The following SCUBE2 variants were observed in gnomAD, a reference collection of about 807,000 sequenced individuals.
SCUBE2 encodes signal peptide, CUB and EGF-like domain-containing protein 2.
In SCUBE2, 114 loss-of-function variants were observed where a neutral mutation model predicts 125.9. That is an observed-to-expected ratio of 0.91 (90% confidence interval 0.78 to 1.06). The LOEUF is 1.06. SCUBE2 is among the 50% of genes least tolerant of loss of function. The pLI is 0.00. For missense variants in SCUBE2, 1,255 were observed against 1,301.8 expected (o/e 0.96, Z 0.55); for synonymous variants, 459 against 492.9 (o/e 0.93, Z 0.91).
chr11:9,081,498 C>T (rs1861635257), intron 2 of SCUBE2, among the ~76,000 whole-genome samples: 1 of 152,034 alleles, frequency 6.6e-6, no homozygotes, highest in Non-Finnish European at 1.5e-5. Context: ...CTCAAGATTC[C>T]ACCATGTTGT....
rs1424766106 is a variant in SCUBE2 at position 9,069,391 on chromosome 11, T to C, written c.622A>G (p.Lys208Glu). The C allele has an allele frequency of 6.2e-7, 1 of 1,614,264 alleles. No homozygotes were observed. Among genetic ancestry groups the C allele is most frequent in the Non-Finnish European group, 8.5e-7 (1 of 1,180,040 alleles). The change falls in exon 5 of 23, where the codon AAG (lysine) becomes GAG (glutamate). Residue 208 changes from lysine to glutamate, a missense_variant. This residue lies in a region of SCUBE2 where 362 missense variants were observed against 323.0 expected (regional missense o/e 1.12). Coordinates refer to ENST00000649792, the MANE Select transcript of SCUBE2 (RefSeq NM_001367977.2). ...TTACAGATGCAGTCTCTCTGGTTCTTGGCCAGCTCAAAACCAGGCCTGCAC... is the reference window on the plus strand; with the variant it reads ...TTACAGATGCAGTCTCTCTGGTTCTCGGCCAGCTCAAAACCAGGCCTGCAC... ...CECRPGFELA[K>E]NQRDCILTCN...
At chr11:9,053,062 G>A (rs967041739) in intron 12 of SCUBE2, 37 bp downstream of exon 12, 6 of 1,564,206 alleles carry the variant, frequency 3.8e-6, no homozygotes, top group Non-Finnish European at 5.3e-6. Flanking sequence ...CCTGGCCCCA[G>A]TGTGAGGACC....
At chr11:9,081,673 C>A (rs75754672) in intron 2 of SCUBE2, among the ~76,000 whole-genome samples, 9 of 82,032 alleles carry the variant, frequency 1.1e-4, no homozygotes, top group African/African-American at 2.9e-4. Context: ...AACAAACAAA[C>A]AAAAAAAAAA....
rs545360058 is a variant in SCUBE2, at chr11:9,069,312, A to AAGGC, written c.643+54_643+57dup. On this transcript the variant is annotated intron_variant, in intron 5 of 22. Transcript: ENST00000649792. ...GTGGTGCTTCTGAGCTGGGCCACAG[A>AAGGC]AGGCAGCCTGTGGAATACGACGGTT... 1.0e-3 allele frequency: 1,601 copies of AAGGC among 1,601,756 alleles called. 22 individuals are homozygous for AAGGC. In the East Asian group the frequency reaches 0.032, roughly 32 times the overall value.
chr11:9,064,173 A>G (rs905113772), intron 7 of SCUBE2, among the ~76,000 whole-genome samples: 2 of 152,186 alleles, frequency 1.3e-5, no homozygotes, highest in Non-Finnish European at 2.9e-5. Context: ...ACACATCAAG[A>G]AGTAACTGTA....
At chr11:9,047,725 A>G (rs1053902008) in intron 15 of SCUBE2, among the ~76,000 whole-genome samples, 163 bp from the exon 16 acceptor site, 2 of 152,130 alleles carry the variant, frequency 1.3e-5, no homozygotes, top group African/African-American at 4.8e-5. Flanking sequence ...TTTGATTCAA[A>G]CAGAAATTTG....
intron 3 of SCUBE2, among the ~76,000 whole-genome samples, chr11:9,078,650 C>T (rs552512296): frequency 2.2e-4 from 34 of 152,264 alleles, no homozygotes; most frequent in African/African-American, 8.2e-4. Context: ...TATGAAGGGT[C>T]GTGAGTGTCA....
At chr11:9,064,264 C>T (rs542697252) in intron 7 of SCUBE2, among the ~76,000 whole-genome samples, 7 of 152,118 alleles carry the variant, frequency 4.6e-5, no homozygotes, top group East Asian at 1.9e-4. Context: ...CCCAGGAGTT[C>T]GAGACCAGCC....
Position 9,049,838 on chromosome 11 carries a change from GAATT to G in SCUBE2, c.1639+764_1639+767del, listed in dbSNP as rs1177937678. On this transcript the variant is annotated intron_variant, in intron 14 of 22. Transcript: ENST00000649792. ...TCATTAAACATTCTTTGAAAACATAGAATTAATAGCTGCATAATATTCCATCAAA... is the reference window on the plus strand; with the variant it reads ...TCATTAAACATTCTTTGAAAACATAGAATAGCTGCATAATATTCCATCAAA... 3.3e-5 allele frequency: 5 copies of G among 152,092 alleles called. 1 individual carries two copies. Among genetic ancestry groups the G allele is most frequent in the South Asian group, 4.1e-4 (2 of 4,826 alleles). The allele number at this position is 152,092 out of a possible 1,614,324, so 9.4% of individuals were successfully genotyped here.
chr11:9,057,310 A>C (rs541067331), intron 9 of SCUBE2: 1 of 152,362 alleles, frequency 6.6e-6, no homozygotes, highest in Non-Finnish European at 1.5e-5. Flanking sequence ...TCCAAGTCAA[A>C]CTGAAGAAAA....
intron 6 of SCUBE2, 117 bp from the exon 7 acceptor site, chr11:9,066,097 G>C (rs1489603670): frequency 4.3e-6 from 3 of 691,922 alleles, no homozygotes; most frequent in Non-Finnish European, 7.5e-6. Flanking sequence ...ATGTGACTCT[G>C]TTCACGCAAT....
Position 9,033,606 on chromosome 11 carries a change from G to T in SCUBE2, c.2173+20C>A. On this transcript the variant is annotated intron_variant, in intron 17 of 22. Transcript: ENST00000649792. ...ACATCAGAGATGGGAGGAGTAGGAA[G>T]GAACAGACAGCATCCTTACCTCCAC... 6.2e-7 allele frequency: 1 copy of T among 1,608,928 alleles called. No individual in the cohort carries two copies. Among genetic ancestry groups the T allele is most frequent in the Non-Finnish European group, 8.5e-7 (1 of 1,177,174 alleles).
At chr11:9,040,230 A>G (rs1213823391) in intron 16 of SCUBE2, among the ~76,000 whole-genome samples, 6 of 152,174 alleles carry the variant, frequency 3.9e-5, no homozygotes, top group African/African-American at 1.4e-4. Context: ...TATTCATGAT[A>G]AAGTTTCATT....
At chr11:9,048,766 G>A (rs1353183691) in intron 14 of SCUBE2, among the ~76,000 whole-genome samples, 2 of 152,116 alleles carry the variant, frequency 1.3e-5, no homozygotes, top group African/African-American at 4.8e-5. Context: ...GGTTTCCAGT[G>A]AATCTGTTAA....
chr11:9,062,153 T>C (rs1859744310), intron 7 of SCUBE2, among the ~76,000 whole-genome samples: 1 of 152,156 alleles, frequency 6.6e-6, no homozygotes, highest in African/African-American at 2.4e-5. Context: ...AAAAGAGATC[T>C]CTAACCCTCA....
rs1408056563 is a variant in SCUBE2 at position 9,053,350 on chromosome 11, G to A, written c.1331-135C>T. 5.1e-6 allele frequency: 4 copies of A among 778,478 alleles called. No homozygotes were observed. The East Asian group carries it at 1.1e-4, about 21-fold the overall frequency. 48.2% of individuals were successfully genotyped at this position (778,478 alleles called of 1,614,324 possible). The stretch of plus-strand genomic sequence containing the variant: ...TGCCCAGCACAGAACATAGATGCTA[G>A]GCCTTATTCCCACCAAGGGAAAGGA... On this transcript the variant is annotated intron_variant, in intron 11 of 22. Coordinates refer to ENST00000649792, the MANE Select transcript of SCUBE2 (RefSeq NM_001367977.2).
intron 14 of SCUBE2, among the ~76,000 whole-genome samples, chr11:9,048,539 A>G (rs1032682112): frequency 3.9e-5 from 6 of 152,244 alleles, no homozygotes; most frequent in African/African-American, 1.4e-4. Context: ...TACTGCTTTC[A>G]GGCAAACTGA....
intron 7 of SCUBE2, among the ~76,000 whole-genome samples, chr11:9,063,101 C>T (rs887678016): frequency 2.6e-5 from 4 of 151,886 alleles, no homozygotes; most frequent in African/African-American, 9.7e-5. Flanking sequence ...AAAAAATTAG[C>T]CAGGCATGGT....
chr11:9,059,801 T>C (rs1458533282), intron 8 of SCUBE2: 1 of 177,970 alleles, frequency 5.6e-6, no homozygotes, highest in Non-Finnish European at 1.2e-5. Context: ...TATAAAGGAC[T>C]AGAGCATTTG....
Sources: allele counts gnomAD v4.1 joint callset (sites outside exome capture counted in the v4.1 genomes callset), GRCh38; gene constraint gnomAD v4.1.1; regional missense constraint gnomAD v4.1.1; transcripts MANE v1.5; gene names NCBI Gene and HGNC (gene_info 2026-07-23, HGNC 2026-07-21).